B4GALT4: variants seen among roughly 807,000 people sequenced by gnomAD.
B4GALT4 encodes N-acetyllactosamine synthase.
B4GALT4 carries 27 observed loss-of-function variants against 37.3 expected under a neutral mutation model. That is an observed-to-expected ratio of 0.72 (90% CI 0.53 to 1.00). B4GALT4 has a LOEUF of 1.00. B4GALT4 is among the 50% of genes least tolerant of loss of function. The probability of loss-of-function intolerance (pLI) is 0.00; values close to 1 mark genes in which losing one functional copy is unlikely to be tolerated. For synonymous variants in B4GALT4, 148 were observed against 154.1 expected, an observed-to-expected ratio of 0.96 and a Z score of 0.29; for missense variants, 372 against 413.1, an observed-to-expected ratio of 0.90 and a Z score of 0.86.
intron 3 of B4GALT4, among the ~76,000 whole-genome samples, chr3:119,227,783 T>C (rs2107512246): frequency 6.6e-6 from 1 of 152,304 alleles, no homozygotes; most frequent in East Asian, 1.9e-4. Flanking sequence ...AATCTCAAGA[T>C]GCTTGCAAAT....
intron 2 of B4GALT4, 62 bp from the exon 3 acceptor site, chr3:119,230,306 C>T: frequency 3.1e-6 from 2 of 650,878 alleles, no homozygotes; most frequent in Non-Finnish European, 5.1e-6. Context: ...AAGTGATTCA[C>T]TCCAGCACAA....
At chr3:119,215,474 C>T (rs575326179) in intron 7 of B4GALT4, 3 of 152,726 alleles carry the variant, frequency 2.0e-5, no homozygotes, top group Non-Finnish European at 2.9e-5. Flanking sequence ...CGTTCCTCAG[C>T]TTGCAGGCGG....
intron 4 of B4GALT4, among the ~76,000 whole-genome samples, chr3:119,224,876 C>T (rs1008631066): frequency 5.9e-5 from 9 of 152,114 alleles, no homozygotes; most frequent in Admixed American, 1.3e-4. Flanking sequence ...AATACCTTTA[C>T]GTATTCTGTA....
intron 2 of B4GALT4, among the ~76,000 whole-genome samples, chr3:119,230,750 A>G (rs777943533): frequency 2.5e-4 from 38 of 152,242 alleles, no homozygotes; most frequent in Non-Finnish European, 4.9e-4. Context: ...AATGAATGCT[A>G]TATTCTCAAA....
chr3:119,238,687 T>C (rs1220303866), intron 1 of B4GALT4, among the ~76,000 whole-genome samples: 1 of 152,148 alleles, frequency 6.6e-6, no homozygotes, highest in Non-Finnish European at 1.5e-5. Context: ...TATGCATATA[T>C]AGAAAAAAAC....
intron 2 of B4GALT4, among the ~76,000 whole-genome samples, chr3:119,235,971 A>G (rs983448072): frequency 7.2e-5 from 11 of 152,226 alleles, no homozygotes; most frequent in African/African-American, 2.7e-4. Context: ...GCGATGGAAA[A>G]AAAATCACTC....
intron 5 of B4GALT4, among the ~76,000 whole-genome samples, chr3:119,220,949 G>A (rs1275057307): frequency 6.6e-6 from 1 of 150,530 alleles, no homozygotes; most frequent in Non-Finnish European, 1.5e-5. Flanking sequence ...TCGCACCGCT[G>A]CACTCCAGCC....
At chr3:119,224,012 T>C (rs1017578861) in intron 5 of B4GALT4, 46 bp downstream of exon 5, 3 of 1,547,102 alleles carry the variant, frequency 1.9e-6, no homozygotes, top group African/African-American at 1.4e-5. Flanking sequence ...TTGATCACAA[T>C]AGTTGAGCTT....
At chr3:119,238,616 A>G (rs1316556561) in intron 1 of B4GALT4, among the ~76,000 whole-genome samples, 1 of 152,208 alleles carries the variant, frequency 6.6e-6, no homozygotes, top group Non-Finnish European at 1.5e-5. Context: ...CTGTTCTATT[A>G]TTAGATATTA....
chr3:119,228,913 C>A (rs888392530), intron 3 of B4GALT4, among the ~76,000 whole-genome samples: 1 of 130,206 alleles, frequency 7.7e-6, no homozygotes, highest in Non-Finnish European at 1.7e-5. Flanking sequence ...TATGTGTGTG[C>A]GCACACACAC....
In B4GALT4 at chr3:119,218,919, C is replaced by T. The variant is rs3796359; in HGVS notation, c.675-147G>A. On this transcript the variant is annotated intron_variant, in intron 5 of 7. Transcript: ENST00000393765. ...CCTGCTTGACACCCACCTCCCAATGCTCCTGGCCTTCCCTGTCTTGTCTTC... is the reference window on the plus strand; with the variant it reads ...CCTGCTTGACACCCACCTCCCAATGTTCCTGGCCTTCCCTGTCTTGTCTTC... The T allele has an allele frequency of 2.6e-3, 2,369 of 926,998 alleles. 50 individuals carry two copies. The East Asian group carries it at 0.051, about 20-fold the overall frequency. 57.4% of individuals were successfully genotyped at this position (926,998 alleles called of 1,614,324 possible).
At chr3:119,231,806 T>TATAA (rs543020251) in intron 2 of B4GALT4, among the ~76,000 whole-genome samples, 14,412 of 145,506 alleles carry the variant, frequency 0.099, 923 homozygotes, top group East Asian at 0.24. Flanking sequence ...AAATATAAAA[T>TATAA]AATATATTTT....
In B4GALT4 at chr3:119,212,158, A is replaced by G. The variant is rs1559908997; in HGVS notation, c.*391T>C. 5 of 702,560 alleles carry G rather than the reference A, an allele frequency of 7.1e-6. No individual in the cohort carries two copies. The highest frequency in any genetic ancestry group is 3.0e-5 in the South Asian group (2 of 67,560). The allele number at this position is 702,560 out of a possible 1,614,324, so 43.5% of individuals were successfully genotyped here. A position where few individuals can be genotyped will look rare whatever the true frequency, so the allele number is the denominator to read the frequency against. ...TACCTTTCTACCTTGGACGAGAACA[A>G]CTCTGGTTCTCTCAGACATTCAGCA... is the stretch of plus-strand genomic sequence containing the variant. On this transcript the variant is annotated 3_prime_UTR_variant, in exon 8 of 8. Coordinates refer to ENST00000393765, the MANE Select transcript of B4GALT4 (RefSeq NM_003778.4).
At position 119,230,207 on chromosome 3, in the gene B4GALT4, C is replaced by T. The variant is rs537116994; in HGVS notation, c.-108G>A. 2.1e-6 allele frequency: 3 copies of T among 1,403,220 alleles called. No individual in the cohort carries two copies. The highest frequency in any genetic ancestry group is 2.9e-6 in the Non-Finnish European group (3 of 1,025,856). 86.9% of individuals were successfully genotyped at this position (1,403,220 alleles called of 1,614,324 possible). A position where few individuals can be genotyped will look rare whatever the true frequency, so the allele number is the denominator to read the frequency against. On this transcript the variant is annotated 5_prime_UTR_variant, in exon 3 of 8. Transcript: ENST00000393765. ...GCGAACTTGATGACAACTGAAGATA[C>T]AATGCCTGGTTTTTCTCAGTAGTTC...
At chr3:119,216,464 ACACACACAGTGT>A in intron 6 of B4GALT4, 120 bp from the exon 7 acceptor site, 3 of 465,316 alleles carry the variant, frequency 6.4e-6, no homozygotes, top group East Asian at 3.6e-5. Flanking sequence ...ACACACACAC[ACACACACAGTGT>A]CACAAACAGC....
chr3:119,237,378 CA>C lies in B4GALT4; in HGVS notation c.-363-309del, dbSNP rs1372042102. On this transcript the variant is annotated intron_variant, in intron 1 of 7. Transcript: ENST00000393765. ...TATCAGATGCATGAATGGCTTTTGACAAGTAACCTAAATGTTTTGAGTCTGT... is the reference window on the plus strand; with the variant it reads ...TATCAGATGCATGAATGGCTTTTGACAGTAACCTAAATGTTTTGAGTCTGT... 2.0e-5 allele frequency among the ~76,000 whole-genome samples: 3 copies of C among 152,318 alleles called. No individual in the cohort carries two copies. In the South Asian group the frequency reaches 6.2e-4, roughly 32 times the overall value.
chr3:119,235,587 C>T (rs765595475), intron 2 of B4GALT4, among the ~76,000 whole-genome samples: 8 of 152,160 alleles, frequency 5.3e-5, no homozygotes, highest in Non-Finnish European at 7.3e-5. Context: ...TAGGAGTTTA[C>T]CTTTTACACA....
Position 119,212,074 on chromosome 3 carries a change from G to A in B4GALT4, c.*475C>T, listed in dbSNP as rs2107446686. 1 of 693,218 alleles carries A rather than the reference G, an allele frequency of 1.4e-6. No homozygotes were observed. The highest frequency in any genetic ancestry group is 2.6e-6 in the Non-Finnish European group (1 of 378,920). The allele number at this position is 693,218 out of a possible 1,614,324, so 42.9% of individuals were successfully genotyped here. A position where few individuals can be genotyped will look rare whatever the true frequency, so the allele number is the denominator to read the frequency against. On this transcript the variant is annotated 3_prime_UTR_variant, in exon 8 of 8. Coordinates refer to ENST00000393765, the MANE Select transcript of B4GALT4 (RefSeq NM_003778.4). ...CTCTTTTGTGGACGCCTTCTCACCT[G>A]ACACCACCACTTCACAGATGATTGT...
At chr3:119,231,679 CTCTTT>C (rs1468531956) in intron 2 of B4GALT4, among the ~76,000 whole-genome samples, 2 of 147,576 alleles carry the variant, frequency 1.4e-5, no homozygotes, top group Admixed American at 6.8e-5. Flanking sequence ...TTTATTTTTT[CTCTTT>C]TCTTTTTAGA....
Sources: allele counts gnomAD v4.1 joint callset (sites outside exome capture counted in the v4.1 genomes callset), GRCh38; gene constraint gnomAD v4.1.1; transcripts MANE v1.5; gene names NCBI Gene and HGNC (gene_info 2026-07-23, HGNC 2026-07-21).